TEK: variants seen among roughly 807,000 people sequenced by gnomAD.
TEK encodes angiopoietin-1 receptor.
TEK carries 43 observed loss-of-function variants against 131.8 expected under a neutral mutation model. The observed-to-expected ratio is 0.33, with a 90% CI of 0.26 to 0.42. The LOEUF is 0.42. Among genes scored for constraint, TEK ranks in the 10% least tolerant of loss-of-function variants. The pLI, the probability that TEK is intolerant of heterozygous loss-of-function variation, is 1.00. For synonymous variants in TEK, 580 were observed against 491.6 expected, an observed-to-expected ratio of 1.18 and a Z score of -2.38; for missense variants, 1,162 against 1,384.4, an observed-to-expected ratio of 0.84 and a Z score of 2.55.
chr9:27,189,410 C>T (rs1293608973), intron 9 of TEK, among the ~76,000 whole-genome samples: 1 of 152,176 alleles, frequency 6.6e-6, no homozygotes, highest in Non-Finnish European at 1.5e-5. Flanking sequence ...TACTATGGCT[C>T]TTTGGCGGGC....
In TEK at chr9:27,185,698, A is replaced by T. The variant is rs180780624; in HGVS notation, c.1327+69A>T. Reference sequence around the variant, plus strand: ...TATGTTTTTGTATTGCTGCTTCTAGACAGAAATGTATGCGACCACTAAAAT... The same window carrying T: ...TATGTTTTTGTATTGCTGCTTCTAGTCAGAAATGTATGCGACCACTAAAAT... On this transcript the variant is annotated intron_variant, in intron 9 of 22. Transcript: ENST00000380036. The T allele has an allele frequency of 5.8e-4, 932 of 1,594,766 alleles. 16 individuals are homozygous for T. The East Asian group carries it at 0.018, about 31-fold the overall frequency.
Position 27,138,239 on chromosome 9 carries a change from G to A in TEK, c.53-19592G>A, listed in dbSNP as rs543501016. Reference sequence around the variant, plus strand: ...ACAGTGTGGAAGGGGATCTGAGCGGGTTGCCGCTGCTGGCTCAGGTGGCCA... The same window carrying A: ...ACAGTGTGGAAGGGGATCTGAGCGGATTGCCGCTGCTGGCTCAGGTGGCCA... On this transcript the variant is annotated intron_variant, in intron 1 of 22. Transcript: ENST00000380036. Among the ~76,000 whole-genome samples the A allele has an allele frequency of 7.9e-5, 12 of 152,338 alleles. No homozygotes were observed. In the East Asian group the frequency reaches 2.3e-3, roughly 29 times the overall value.
chr9:27,173,190 A>G, intron 5 of TEK, 32 bp from the exon 6 acceptor site: 1 of 1,613,684 alleles, frequency 6.2e-7, no homozygotes, highest in Non-Finnish European at 8.5e-7. Flanking sequence ...TGCATATTTG[A>G]CTCTGAATCA....
chr9:27,184,423 A>G (rs975443721), intron 8 of TEK, among the ~76,000 whole-genome samples: 3 of 152,244 alleles, frequency 2.0e-5, no homozygotes, highest in Admixed American at 6.5e-5. Context: ...CTATTTTTCT[A>G]TCAAAGATGA....
rs182656225 is a variant in TEK at position 27,211,378 on chromosome 9, C to T, written c.2687-1329C>T. On this transcript the variant is annotated intron_variant, in intron 16 of 22. Coordinates refer to ENST00000380036, the MANE Select transcript of TEK (RefSeq NM_000459.5). ...ACTTTCATTATAGTGCAACAGGTTTCAATATTACTTTTCTTTTTTGCTAGA... is the reference window on the plus strand; with the variant it reads ...ACTTTCATTATAGTGCAACAGGTTTTAATATTACTTTTCTTTTTTGCTAGA... Among the ~76,000 whole-genome samples, 187 of 128,806 alleles carry T rather than the reference C, an allele frequency of 1.5e-3. 1 individual carries two copies. Among genetic ancestry groups the T allele is most frequent in the African/African-American group, 5.5e-3 (182 of 32,852 alleles). 84.5% of individuals were successfully genotyped at this position (128,806 alleles called of 152,430 possible). A position where few individuals can be genotyped will look rare whatever the true frequency, so the allele number is the denominator to read the frequency against.
At position 27,228,207 on chromosome 9, in the gene TEK, T is replaced by A. The variant is rs779199653; in HGVS notation, c.3202T>A (p.Tyr1068Asn). ...EKPLNCDDEVYDLMRQCWREK... is the reference protein window; with the variant it reads ...EKPLNCDDEVNDLMRQCWREK... ...CCCTTTAATTCTTTGCTTTCGAAGG[T>A]ATGATCTAATGAGACAATGCTGGCG... The change falls in exon 22 of 23, where the codon TAT becomes AAT. Residue 1068 changes from tyrosine (Y) to asparagine (N), a missense_variant and splice_region_variant. Tyr to Asn is a moderately radical substitution (Grantham distance 143). Around this residue, in one of 6 missense-constraint regions of TEK, gnomAD observed 84 missense variants for 80.3 expected, o/e 1.05. Coordinates refer to ENST00000380036, the MANE Select transcript of TEK (RefSeq NM_000459.5). The A allele has an allele frequency of 6.2e-7, 1 of 1,612,102 alleles. No individual in the cohort carries two copies.
chr9:27,135,626 A>C (rs948848503), intron 1 of TEK, among the ~76,000 whole-genome samples: 1 of 152,234 alleles, frequency 6.6e-6, no homozygotes, highest in East Asian at 1.9e-4. Context: ...CTTAGAAATA[A>C]GTACCACCAG....
intron 10 of TEK, among the ~76,000 whole-genome samples, chr9:27,192,158 A>G (rs1360762750): frequency 6.6e-6 from 1 of 152,194 alleles, no homozygotes; most frequent in East Asian, 1.9e-4. Flanking sequence ...CAATTAAATT[A>G]TTCTAATTGA....
chr9:27,194,775 C>T (rs1824947367), intron 11 of TEK, among the ~76,000 whole-genome samples: 1 of 152,104 alleles, frequency 6.6e-6, no homozygotes. Flanking sequence ...GAAGGTTCTT[C>T]TTTTCCCATC....
chr9:27,205,866 C>T (rs1284958929), intron 14 of TEK, among the ~76,000 whole-genome samples: 1 of 152,130 alleles, frequency 6.6e-6, no homozygotes, highest in African/African-American at 2.4e-5. Context: ...CCCGAGTTTC[C>T]CTTCCACGGA....
intron 6 of TEK, among the ~76,000 whole-genome samples, chr9:27,174,437 T>C (rs1257115437): frequency 6.6e-6 from 1 of 152,244 alleles, no homozygotes; most frequent in African/African-American, 2.4e-5. Context: ...GGTGAAATAA[T>C]TTTGATCTAT....
chr9:27,152,194 T>C (rs1479665594), intron 1 of TEK, among the ~76,000 whole-genome samples: 1 of 152,236 alleles, frequency 6.6e-6, no homozygotes, highest in Admixed American at 6.5e-5. Context: ...ATACAGTTAG[T>C]TGTTCTGAAG....
At position 27,217,908 on chromosome 9, in the gene TEK, C is replaced by G. The variant is rs1825877022; in HGVS notation, c.3062+150C>G. ...CAGGAAATAAATTAGCAGAATAAAG[C>G]CACAGAGTAGACAGTTTCCAGAGGA... is the stretch of plus-strand genomic sequence containing the variant. On this transcript the variant is annotated intron_variant, in intron 19 of 22. Transcript: ENST00000380036. 5 of 771,510 alleles carry G rather than the reference C, an allele frequency of 6.5e-6. No individual in the cohort carries two copies. In the Admixed American group the frequency reaches 1.0e-4, roughly 16 times the overall value. 47.8% of individuals were successfully genotyped at this position (771,510 alleles called of 1,614,324 possible). A position where few individuals can be genotyped will look rare whatever the true frequency, so the allele number is the denominator to read the frequency against.
chr9:27,218,575 A>G (rs911407418), intron 19 of TEK, among the ~76,000 whole-genome samples: 1 of 152,186 alleles, frequency 6.6e-6, no homozygotes, highest in Non-Finnish European at 1.5e-5. Context: ...GCTCTGGCAA[A>G]GTGAACACTG....
rs148380093 is a variant in TEK at position 27,219,030 on chromosome 9, C to CATGAACTTTATTATATATT, written c.3103+215_3103+233dup. ...TATTTAACACTAATGACCTGGAGGC[C>CATGAACTTTATTATATATT]ATGAACTTTATTATATATTAATTGG... On this transcript the variant is annotated intron_variant, in intron 20 of 22. Coordinates refer to ENST00000380036, the MANE Select transcript of TEK (RefSeq NM_000459.5). Among the ~76,000 whole-genome samples the CATGAACTTTATTATATATT allele has an allele frequency of 0.23, 35,270 of 151,712 alleles. 4,412 individuals carry two copies. Among genetic ancestry groups the CATGAACTTTATTATATATT allele is most frequent in the African/African-American group, 0.33 (13,626 of 41,232 alleles).
At chr9:27,198,054 C>T (rs1482805872) in intron 12 of TEK, among the ~76,000 whole-genome samples, 1 of 151,012 alleles carries the variant, frequency 6.6e-6, no homozygotes, top group Non-Finnish European at 1.5e-5. Flanking sequence ...AATAAAATCA[C>T]TTTTTTTTTC....
chr9:27,182,134 A>G (rs1824401547), intron 7 of TEK, among the ~76,000 whole-genome samples: 1 of 152,176 alleles, frequency 6.6e-6, no homozygotes, highest in Admixed American at 6.5e-5. Flanking sequence ...AAGGATTTGA[A>G]TTTTGTGCTT....
At chr9:27,137,641 T>G (rs1822522901) in intron 1 of TEK, among the ~76,000 whole-genome samples, 1 of 151,762 alleles carries the variant, frequency 6.6e-6, no homozygotes, top group East Asian at 1.9e-4. Flanking sequence ...TACCTGAAAA[T>G]TGTACATAGT....
Position 27,169,541 on chromosome 9 carries a change from T to C in TEK, c.540T>C (p.His180=). Reference sequence around the variant, plus strand: ...ATATTCTAGAAGTACACCTGCCTCATGCTCAGCCCCAGGATGCTGGAGTGT... The same window carrying C: ...ATATTCTAGAAGTACACCTGCCTCACGCTCAGCCCCAGGATGCTGGAGTGT... ...VPDILEVHLP[H]AQPQDAGVYS... The change falls in exon 4 of 23, where the codon CAT becomes CAC. Residue 180 remains histidine, a synonymous_variant. Transcript: ENST00000380036. 6.2e-7 allele frequency: 1 copy of C among 1,614,186 alleles called. No individual in the cohort carries two copies. Among genetic ancestry groups the C allele is most frequent in the Non-Finnish European group, 8.5e-7 (1 of 1,180,008 alleles).
Sources: gnomAD v4.1 joint callset for allele counts (sites outside exome capture counted in the v4.1 genomes callset) on GRCh38, gnomAD v4.1.1 for gene constraint, gnomAD v4.1.1 regional missense constraint, MANE v1.5 for transcripts, NCBI Gene and HGNC (gene_info 2026-07-23, HGNC 2026-07-21) for gene names.